INTS10: variants seen among roughly 807,000 people sequenced by gnomAD.
INTS10 encodes the protein chromosome 8 open reading frame 35.
INTS10 carries 44 observed loss-of-function variants against 94.4 expected under a neutral mutation model. The observed-to-expected ratio is 0.47, with a 90% CI of 0.37 to 0.60. INTS10 has a LOEUF of 0.60. Ranked by LOEUF, INTS10 falls within the 20% of genes least tolerant of loss-of-function variation. The pLI is 0.00. For missense variants in INTS10, 797 were observed against 868.7 expected, an observed-to-expected ratio of 0.92 and a Z score of 1.04; for synonymous variants, 341 against 320.7, an observed-to-expected ratio of 1.06 and a Z score of -0.68.
Position 19,820,611 on chromosome 8 carries a change from T to G in INTS10, c.441+93T>G. Reference sequence around the variant, plus strand: ...GGTGAGGAGCTACAAAGCAGAAGTTTCTGAAGAGTACTGGTTAAGATTGAA... The same window carrying G: ...GGTGAGGAGCTACAAAGCAGAAGTTGCTGAAGAGTACTGGTTAAGATTGAA... On this transcript the variant is annotated intron_variant, in intron 4 of 16. Transcript: ENST00000397977. The G allele has an allele frequency of 2.6e-6, 3 of 1,144,158 alleles. No individual in the cohort carries two copies. In the South Asian group the frequency reaches 5.1e-5, roughly 19 times the overall value. 70.9% of individuals were successfully genotyped at this position (1,144,158 alleles called of 1,614,324 possible). A position where few individuals can be genotyped will look rare whatever the true frequency, so the allele number is the denominator to read the frequency against.
chr8:19,849,295 G>T lies in INTS10; in HGVS notation c.1977-2354G>T, dbSNP rs1418521211. 1.1e-6 allele frequency: 1 copy of T among 888,566 alleles called. No individual in the cohort carries two copies. The highest frequency in any genetic ancestry group is 1.6e-6 in the Non-Finnish European group (1 of 627,690). The allele number at this position is 888,566 out of a possible 1,614,324, so 55.0% of individuals were successfully genotyped here. A position where few individuals can be genotyped will look rare whatever the true frequency, so the allele number is the denominator to read the frequency against. ...TGTGCTGTTTGTCAACATGTTCGCT[G>T]CCCATGGTTCTCAGCTCTTCGTTCC... On this transcript the variant is annotated intron_variant, in intron 16 of 16. Transcript: ENST00000397977. The surrounding 1 kb of genome is among the most constrained non-coding windows in gnomAD (Gnocchi z 4.6).
chr8:19,829,497 G>C (rs1293879697), intron 9 of INTS10, among the ~76,000 whole-genome samples: 1 of 151,996 alleles, frequency 6.6e-6, no homozygotes, highest in Non-Finnish European at 1.5e-5. Flanking sequence ...AATGTGTATT[G>C]TAAAATACAG....
rs139310783 is a variant in INTS10, at chr8:19,836,435, G to A, written c.1531-617G>A. On this transcript the variant is annotated intron_variant, in intron 12 of 16. Transcript: ENST00000397977. ...TCCACCAGCAGTGCATCCGTCCAGTGTCTCATCTGTGTCCTAGACCAAACC... is the reference window on the plus strand; with the variant it reads ...TCCACCAGCAGTGCATCCGTCCAGTATCTCATCTGTGTCCTAGACCAAACC... Among the ~76,000 whole-genome samples, 698 of 152,328 alleles carry A rather than the reference G, an allele frequency of 4.6e-3. 4 individuals are homozygous for A. The highest frequency in any genetic ancestry group is 0.013 in the African/African-American group (560 of 41,580).
Position 19,851,142 on chromosome 8 carries a change from T to C in INTS10, c.1977-507T>C, listed in dbSNP as rs994278356. Among the ~76,000 whole-genome samples, 5 of 152,224 alleles carry C rather than the reference T, an allele frequency of 3.3e-5. No individual in the cohort carries two copies. Among genetic ancestry groups the C allele is most frequent in the Admixed American group, 1.3e-4 (2 of 15,290 alleles). ...AGAGAGACGTGCTTGTGACCCCGGC[T>C]GTGCAGGAGCCCTGAACCTTTCTGG... On this transcript the variant is annotated intron_variant, in intron 16 of 16. Transcript: ENST00000397977. This position sits in a 1 kb window ranked among gnomAD's most constrained non-coding sequence, Gnocchi z 5.0.
intron 8 of INTS10, among the ~76,000 whole-genome samples, 184 bp from the exon 9 acceptor site, chr8:19,826,242 G>A (rs555508827): frequency 1.5e-3 from 225 of 152,148 alleles, no homozygotes; most frequent in African/African-American, 5.1e-3. Flanking sequence ...TACCATGCCC[G>A]GCTAATGTTT....
chr8:19,837,091 G>T lies in INTS10; in HGVS notation c.1570G>T (p.Val524Leu). The T allele has an allele frequency of 6.2e-7, 1 of 1,613,852 alleles. No homozygotes were observed. The highest frequency in any genetic ancestry group is 8.5e-7 in the Non-Finnish European group (1 of 1,179,774). The change falls in exon 13 of 17, where the codon GTA becomes TTA. Residue 524 changes from valine to leucine, a missense_variant. Physicochemically the swap from Val to Leu is conservative, Grantham distance 32. This residue lies in a region of INTS10 where 734 missense variants were observed against 787.8 expected (regional missense o/e 0.93). Coordinates refer to ENST00000397977, the MANE Select transcript of INTS10 (RefSeq NM_018142.4). ...EKVLDLMCYM[V>L]LPIQDGGKSQ... ...AGTCCTTGATTTGATGTGCTACATG[G>T]TACTCCCCATTCAAGATGGAGGCAA...
rs561387295 is a variant in INTS10 at position 19,817,457 on chromosome 8, G to T, written c.-81G>T. 6 of 1,532,148 alleles carry T rather than the reference G, an allele frequency of 3.9e-6. No individual in the cohort carries two copies. The Admixed American group carries it at 1.2e-4, about 31-fold the overall frequency. The allele number at this position is 1,532,148 out of a possible 1,614,324, so 94.9% of individuals were successfully genotyped here. A position where few individuals can be genotyped will look rare whatever the true frequency, so the allele number is the denominator to read the frequency against. The stretch of plus-strand genomic sequence containing the variant: ...CTCCCCCGCGGTGGCGGCGGCGGCG[G>T]CGGTGGCTGCCGTGGCGGCTGAGAG... On this transcript the variant is annotated 5_prime_UTR_variant, in exon 1 of 17. Transcript: ENST00000397977.
At position 19,851,945 on chromosome 8, in the gene INTS10, T is replaced by C. The variant is rs948660280; in HGVS notation, c.*140T>C. On this transcript the variant is annotated 3_prime_UTR_variant, in exon 17 of 17. Coordinates refer to ENST00000397977, the MANE Select transcript of INTS10 (RefSeq NM_018142.4). The surrounding 1 kb of genome is among the most constrained non-coding windows in gnomAD (Gnocchi z 5.0). ...ACCATCTGAGTTCTAACTCCTTGGT[T>C]GCTTAAAAGTAGTTCCCAAGAGTCT... 39 of 600,128 alleles carry C rather than the reference T, an allele frequency of 6.5e-5. No homozygotes were observed. In the South Asian group the frequency reaches 9.8e-4, roughly 15 times the overall value. The allele number at this position is 600,128 out of a possible 1,614,324, so 37.2% of individuals were successfully genotyped here.
chr8:19,817,451 G>A lies in INTS10; in HGVS notation c.-87G>A, dbSNP rs2065997225. ...AGTAGCCTCCCCCGCGGTGGCGGCG[G>A]CGGCGGCGGTGGCTGCCGTGGCGGC... On this transcript the variant is annotated 5_prime_UTR_variant, in exon 1 of 17. Coordinates refer to ENST00000397977, the MANE Select transcript of INTS10 (RefSeq NM_018142.4). 1 of 1,519,492 alleles carries A rather than the reference G, an allele frequency of 6.6e-7. No individual in the cohort carries two copies. 94.1% of individuals were successfully genotyped at this position (1,519,492 alleles called of 1,614,324 possible). A position where few individuals can be genotyped will look rare whatever the true frequency, so the allele number is the denominator to read the frequency against.
At chr8:19,825,865 A>C (rs1405350964) in intron 8 of INTS10, among the ~76,000 whole-genome samples, 1 of 152,194 alleles carries the variant, frequency 6.6e-6, no homozygotes, top group Non-Finnish European at 1.5e-5. Context: ...TACATAACAA[A>C]TACAAAGAAG....
intron 13 of INTS10, 101 bp downstream of exon 13, chr8:19,837,261 G>T: frequency 1.3e-6 from 1 of 769,032 alleles, no homozygotes; most frequent in Admixed American, 2.0e-5. Context: ...GTCGAGGCGG[G>T]AGGATAGCTT....
intron 12 of INTS10, among the ~76,000 whole-genome samples, chr8:19,836,100 C>G (rs532899298): frequency 7.9e-5 from 12 of 151,354 alleles, no homozygotes; most frequent in African/African-American, 2.9e-4. Context: ...CACCAAGGCA[C>G]ACATATATGT....
chr8:19,818,523 A>C, intron 2 of INTS10, 181 bp downstream of exon 2: 5 of 587,196 alleles, frequency 8.5e-6, no homozygotes, highest in Non-Finnish European at 1.2e-5. Flanking sequence ...TTTGCAGAAG[A>C]GTTTAATTAT....
At chr8:19,823,734 C>A (rs148066473) in intron 6 of INTS10, 139 bp from the exon 7 acceptor site, 3 of 731,564 alleles carry the variant, frequency 4.1e-6, no homozygotes, top group African/African-American at 1.8e-5. Context: ...GGCCTCTTGT[C>A]GGTCCTTGAG....
intron 16 of INTS10, among the ~76,000 whole-genome samples, chr8:19,850,157 G>GAAAAAAAAAGAAAGAAA (rs2068912458): frequency 6.8e-6 from 1 of 147,934 alleles, no homozygotes; most frequent in East Asian, 2.0e-4. Context: ...AAGAAAGAAA[G>GAAAAAAAAAGAAAGAAA]AAAAAAAAAG....
In INTS10 at chr8:19,843,890, C is replaced by A. The variant is rs1563451903; in HGVS notation, c.1720-186C>A. 6.6e-6 allele frequency among the ~76,000 whole-genome samples: 1 copy of A among 152,232 alleles called. No individual in the cohort carries two copies. ...CTGAGGCTTCTTTGGTTAGAATCCA[C>A]CCTCCTTAGAAGGCAGCTGTGATGT... On this transcript the variant is annotated intron_variant, in intron 14 of 16. Coordinates refer to ENST00000397977, the MANE Select transcript of INTS10 (RefSeq NM_018142.4). The surrounding 1 kb of genome is among the most constrained non-coding windows in gnomAD (Gnocchi z 4.7).
At position 19,823,356 on chromosome 8, in the gene INTS10, T is replaced by A; in HGVS notation, c.579T>A (p.Asn193Lys). ...ACCATGATGTTCGATTACCTGCCAA[T>A]TTATTGTATAAGTACTTGAACAAAG... is the stretch of plus-strand genomic sequence containing the variant. ...INNHDVRLPA[N>K]LLYKYLNKAA... The change falls in exon 6 of 17, where the codon AAT becomes AAA. Residue 193 changes from asparagine (N) to lysine (K), a missense_variant. Asn to Lys is a moderately conservative substitution (Grantham distance 94). Coordinates refer to ENST00000397977, the MANE Select transcript of INTS10 (RefSeq NM_018142.4). The A allele has an allele frequency of 6.2e-7, 1 of 1,602,488 alleles. No individual in the cohort carries two copies. Among genetic ancestry groups the A allele is most frequent in the South Asian group, 1.1e-5 (1 of 90,868 alleles).
In INTS10 at chr8:19,846,134, T is replaced by C. The variant is rs531965982; in HGVS notation, c.1976+337T>C. Among the ~76,000 whole-genome samples, 1 of 152,166 alleles carries C rather than the reference T, an allele frequency of 6.6e-6. No individual in the cohort carries two copies. Among genetic ancestry groups the C allele is most frequent in the Non-Finnish European group, 1.5e-5 (1 of 67,996 alleles). On this transcript the variant is annotated intron_variant, in intron 16 of 16. Coordinates refer to ENST00000397977, the MANE Select transcript of INTS10 (RefSeq NM_018142.4). The surrounding 1 kb of genome is among the most constrained non-coding windows in gnomAD (Gnocchi z 4.2). ...ACAGAGTGCCTTTAATTAAGAACAG[T>C]TGTGTGGCCAGGCATGGTGGCTCAC... is the stretch of plus-strand genomic sequence containing the variant.
chr8:19,821,273 C>G (rs1381482139), intron 4 of INTS10: 1 of 152,190 alleles, frequency 6.6e-6, no homozygotes. Context: ...CAGGTGTTGG[C>G]AGAGGCACTT....
Sources: gnomAD v4.1 joint callset for allele counts (sites outside exome capture counted in the v4.1 genomes callset) on GRCh38, gnomAD v4.1.1 for gene constraint, gnomAD v4.1.1 regional missense constraint, Gnocchi (gnomAD v3.1) non-coding constraint, MANE v1.5 for transcripts, NCBI Gene and HGNC (gene_info 2026-07-23, HGNC 2026-07-21) for gene names.